The following MRPL35 variants were observed in gnomAD, a reference collection of about 807,000 sequenced individuals.
MRPL35 encodes the protein mitochondrial ribosomal protein L35, also known as large ribosomal subunit protein bL35m.
A neutral mutation model predicts 21.6 loss-of-function variants in MRPL35; 18 were observed. That is an observed-to-expected ratio of 0.83 (90% CI 0.58 to 1.24). The LOEUF (loss-of-function observed/expected upper bound fraction) is 1.24. MRPL35 is among the 50% of genes most tolerant of loss of function. The pLI is 0.00. For missense variants in MRPL35, 223 were observed against 223.2 expected (o/e 1.00, Z 0.01); for synonymous variants, 87 against 86.9 (o/e 1.00, Z -0.01).
rs999015606 is a variant in MRPL35 at position 86,212,308 on chromosome 2, G to A, written c.*1640G>A. 1.9e-5 allele frequency: 30 copies of A among 1,563,738 alleles called. 1 individual carries two copies. The highest frequency in any genetic ancestry group is 1.2e-4 in the East Asian group (5 of 43,244). On this transcript the variant is annotated 3_prime_UTR_variant, in exon 4 of 4. Transcript: ENST00000337109. ...GTTCTAAAACCAGAAGTCCAAGTGCGTGTCTACTTATGGGACCAATAAATA... is the reference window on the plus strand; with the variant it reads ...GTTCTAAAACCAGAAGTCCAAGTGCATGTCTACTTATGGGACCAATAAATA...
At chr2:86,205,506 A>G (rs1673771943) in intron 1 of MRPL35, among the ~76,000 whole-genome samples, 1 of 152,038 alleles carries the variant, frequency 6.6e-6, no homozygotes, top group Non-Finnish European at 1.5e-5. Flanking sequence ...TTTTTTGAAA[A>G]AAATCTGTGT....
At chr2:86,209,478 C>A (rs1673860781) in intron 3 of MRPL35, among the ~76,000 whole-genome samples, 1 of 152,134 alleles carries the variant, frequency 6.6e-6, no homozygotes, top group Non-Finnish European at 1.5e-5. Context: ...TTTTTATAAT[C>A]AATCAAATTT....
chr2:86,209,055 A>G (rs1192482978), intron 3 of MRPL35, among the ~76,000 whole-genome samples: 1 of 152,130 alleles, frequency 6.6e-6, no homozygotes, highest in Admixed American at 6.5e-5. Context: ...GAGCAGGGCA[A>G]TAAATTAGGT....
Position 86,210,465 on chromosome 2 carries a change from T to C in MRPL35, c.379-15T>C, listed in dbSNP as rs759920709. On this transcript the variant is annotated splice_polypyrimidine_tract_variant and intron_variant, in intron 3 of 3. Coordinates refer to ENST00000337109, the MANE Select transcript of MRPL35 (RefSeq NM_016622.4). The stretch of plus-strand genomic sequence containing the variant: ...CATAGTATGATGTTTTACATTTCTT[T>C]GTAATATCTGACAGGCTGGCTATAA... The C allele has an allele frequency of 9.4e-6, 15 of 1,591,532 alleles. No individual in the cohort carries two copies. The South Asian group carries it at 1.6e-4, about 17-fold the overall frequency.
Position 86,212,725 on chromosome 2 carries a change from T to G in MRPL35, c.*2057T>G. ...TGAAGTGGGATGGCTGACAGGCACA[T>G]AACTTACGGGAAAGGGAATTTCATA... On this transcript the variant is annotated 3_prime_UTR_variant, in exon 4 of 4. Coordinates refer to ENST00000337109, the MANE Select transcript of MRPL35 (RefSeq NM_016622.4). The G allele has an allele frequency of 8.4e-7, 1 of 1,187,842 alleles. No individual in the cohort carries two copies. Among genetic ancestry groups the G allele is most frequent in the Non-Finnish European group, 1.0e-6 (1 of 959,836 alleles). 73.6% of individuals were successfully genotyped at this position (1,187,842 alleles called of 1,614,324 possible). A position where few individuals can be genotyped will look rare whatever the true frequency, so the allele number is the denominator to read the frequency against.
In MRPL35 at chr2:86,210,587, G is replaced by A. The variant is rs140070780; in HGVS notation, c.486G>A (p.Thr162=). 3.0e-4 allele frequency: 479 copies of A among 1,613,896 alleles called. 1 individual carries two copies. The East Asian group carries it at 4.7e-3, about 16-fold the overall frequency. ...KTQSKLLDKM[T]TSFWKRRNWY... is the part of the protein sequence containing the mutation. The stretch of plus-strand genomic sequence containing the variant: ...AGAGTAAACTCTTAGATAAAATGAC[G>A]ACGTCCTTCTGGAAGAGGCGAAACT... The change falls in exon 4 of 4, where the codon ACG becomes ACA. Residue 162 remains threonine, a synonymous_variant. Transcript: ENST00000337109.
chr2:86,213,111 C>G lies in MRPL35; in HGVS notation c.*2443C>G. On this transcript the variant is annotated 3_prime_UTR_variant, in exon 4 of 4. Transcript: ENST00000337109. ...AGCTAATAAGACCCAGAATCTCAGTCTCACTCCTTGGGATCCTGTGTATTT... is the reference window on the plus strand; with the variant it reads ...AGCTAATAAGACCCAGAATCTCAGTGTCACTCCTTGGGATCCTGTGTATTT... 1.0e-6 allele frequency: 1 copy of G among 985,804 alleles called. No homozygotes were observed. 61.1% of individuals were successfully genotyped at this position (985,804 alleles called of 1,614,324 possible). A position where few individuals can be genotyped will look rare whatever the true frequency, so the allele number is the denominator to read the frequency against.
intron 1 of MRPL35, among the ~76,000 whole-genome samples, chr2:86,199,826 T>C (rs1248164901): frequency 6.6e-6 from 1 of 152,136 alleles, no homozygotes; most frequent in African/African-American, 2.4e-5. Context: ...CCAAAAAGTC[T>C]CACCTAACTT....
Position 86,212,587 on chromosome 2 carries a change from A to C in MRPL35, c.*1919A>C. 1 of 1,477,792 alleles carries C rather than the reference A, an allele frequency of 6.8e-7. No individual in the cohort carries two copies. Among genetic ancestry groups the C allele is most frequent in the Non-Finnish European group, 9.0e-7 (1 of 1,115,658 alleles). The allele number at this position is 1,477,792 out of a possible 1,614,324, so 91.5% of individuals were successfully genotyped here. A position where few individuals can be genotyped will look rare whatever the true frequency, so the allele number is the denominator to read the frequency against. Reference sequence around the variant, plus strand: ...CATGATGTCTTTATTGCAAATATGGATGACAAGGGTCTCTGTTACAGGGGC... The same window carrying C: ...CATGATGTCTTTATTGCAAATATGGCTGACAAGGGTCTCTGTTACAGGGGC... On this transcript the variant is annotated 3_prime_UTR_variant, in exon 4 of 4. Transcript: ENST00000337109.
rs577065658 is a variant in MRPL35 at position 86,213,367 on chromosome 2, C to T, written c.*2699C>T. The T allele has an allele frequency of 2.6e-4, 323 of 1,250,356 alleles. No individual in the cohort carries two copies. Among genetic ancestry groups the T allele is most frequent in the Non-Finnish European group, 3.1e-4 (310 of 998,376 alleles). 77.5% of individuals were successfully genotyped at this position (1,250,356 alleles called of 1,614,324 possible). On this transcript the variant is annotated 3_prime_UTR_variant, in exon 4 of 4. Coordinates refer to ENST00000337109, the MANE Select transcript of MRPL35 (RefSeq NM_016622.4). ...GAATGGATTTCCAGCCTTTTTTTCC[C>T]ATCTGTTCCTGCTTTTAGTCCTCTG...
At chr2:86,209,306 A>G (rs558867721) in intron 3 of MRPL35, among the ~76,000 whole-genome samples, 1 of 152,338 alleles carries the variant, frequency 6.6e-6, no homozygotes, top group African/African-American at 2.4e-5. Context: ...AATGCAAGGC[A>G]CATTCTCGGC....
Position 86,210,510 on chromosome 2 carries a change from AC to A in MRPL35, c.410del (p.Thr137AsnfsTer8). On this transcript the variant is annotated frameshift_variant, in exon 4 of 4. Transcript: ENST00000337109. LOFTEE classifies it high-confidence loss of function. ...AGYKKKLWKK[T>X]PARKKRLREF... The stretch of plus-strand genomic sequence containing the variant: ...CTATAAGAAAAAATTATGGAAAAAG[AC>A]ACCTGCAAGGAAGAAGCGATTGAGG... 1 of 1,607,358 alleles carries A rather than the reference AC, an allele frequency of 6.2e-7. No individual in the cohort carries two copies. The highest frequency in any genetic ancestry group is 8.5e-7 in the Non-Finnish European group (1 of 1,177,868).
intron 3 of MRPL35, 114 bp from the exon 4 acceptor site, chr2:86,210,366 C>T (rs987728700): frequency 1.0e-4 from 57 of 550,520 alleles, no homozygotes; most frequent in Non-Finnish European, 1.2e-4. Context: ...AATAGTCCAG[C>T]CCCTATGGAA....
At chr2:86,203,548 C>T (rs1187879141) in intron 1 of MRPL35, among the ~76,000 whole-genome samples, 1 of 152,212 alleles carries the variant, frequency 6.6e-6, no homozygotes, top group African/African-American at 2.4e-5. Context: ...AGTCCCATCT[C>T]CAAGATATCT....
Position 86,213,467 on chromosome 2 carries a change from A to G in MRPL35, c.*2799A>G, listed in dbSNP as rs1673954053. On this transcript the variant is annotated 3_prime_UTR_variant, in exon 4 of 4. Coordinates refer to ENST00000337109, the MANE Select transcript of MRPL35 (RefSeq NM_016622.4). ...ACATAGAATACAGGACTAAAAATGC[A>G]AAGAAATTGGGTCTGTGTTTAATTT... 1 of 1,330,132 alleles carries G rather than the reference A, an allele frequency of 7.5e-7. No homozygotes were observed. Among genetic ancestry groups the G allele is most frequent in the Admixed American group, 3.6e-5 (1 of 27,842 alleles). The allele number at this position is 1,330,132 out of a possible 1,614,324, so 82.4% of individuals were successfully genotyped here.
chr2:86,213,358 T>C lies in MRPL35; in HGVS notation c.*2690T>C, dbSNP rs1403805094. ...TAAATAAACGAATGGATTTCCAGCC[T>C]TTTTTTCCCATCTGTTCCTGCTTTT... is the stretch of plus-strand genomic sequence containing the variant. On this transcript the variant is annotated 3_prime_UTR_variant, in exon 4 of 4. Transcript: ENST00000337109. 19 of 1,232,424 alleles carry C rather than the reference T, an allele frequency of 1.5e-5. No homozygotes were observed. Among genetic ancestry groups the C allele is most frequent in the Non-Finnish European group, 1.9e-5 (19 of 986,786 alleles). 76.3% of individuals were successfully genotyped at this position (1,232,424 alleles called of 1,614,324 possible). A position where few individuals can be genotyped will look rare whatever the true frequency, so the allele number is the denominator to read the frequency against.
Position 86,210,484 on chromosome 2 carries a change from G to T in MRPL35, c.383G>T (p.Gly128Val). Residue 128 changes from glycine to valine, a missense_variant, in exon 4 of 4, where the codon GGC (glycine) becomes GTC (valine). Gly to Val is a moderately radical substitution (Grantham distance 109). Coordinates refer to ENST00000337109, the MANE Select transcript of MRPL35 (RefSeq NM_016622.4). The stretch of plus-strand genomic sequence containing the variant: ...TTTCTTTGTAATATCTGACAGGCTG[G>T]CTATAAGAAAAAATTATGGAAAAAG... The part of the protein sequence containing the change: ...HCGLWVRRKA[G>V]YKKKLWKKTP... The T allele has an allele frequency of 6.2e-7, 1 of 1,605,338 alleles. No individual in the cohort carries two copies. The highest frequency in any genetic ancestry group is 2.2e-5 in the East Asian group (1 of 44,790).
rs1673915055 is a variant in MRPL35 at position 86,212,167 on chromosome 2, CTGT to C, written c.*1504_*1506del. On this transcript the variant is annotated 3_prime_UTR_variant, in exon 4 of 4. Transcript: ENST00000337109. ...TTGGTAATAATAAGATGAAATTCCT[CTGT>C]TGTTAGTAAAATTATGAAATTGAAG... 1 of 1,274,844 alleles carries C rather than the reference CTGT, an allele frequency of 7.8e-7. No homozygotes were observed. The highest frequency in any genetic ancestry group is 9.9e-7 in the Non-Finnish European group (1 of 1,009,736). 79.0% of individuals were successfully genotyped at this position (1,274,844 alleles called of 1,614,324 possible).
Position 86,213,755 on chromosome 2 carries a change from ATT to A in MRPL35, c.*3093_*3094del. On this transcript the variant is annotated 3_prime_UTR_variant, in exon 4 of 4. Transcript: ENST00000337109. ...CACAGCTACCTAGTTTCTGCCGATG[ATT>A]TTTTTAAATGTGAAATAAACAGTGA... 7.2e-7 allele frequency: 1 copy of A among 1,386,046 alleles called. No individual in the cohort carries two copies. The highest frequency in any genetic ancestry group is 9.9e-7 in the Non-Finnish European group (1 of 1,007,952). The allele number at this position is 1,386,046 out of a possible 1,614,324, so 85.9% of individuals were successfully genotyped here.
Sources: allele counts gnomAD v4.1 joint callset (sites outside exome capture counted in the v4.1 genomes callset), GRCh38; gene constraint gnomAD v4.1.1; transcripts MANE v1.5; gene names NCBI Gene and HGNC (gene_info 2026-07-23, HGNC 2026-07-21).